The following LAMA1 variants were observed in gnomAD, a reference collection of about 807,000 sequenced individuals.
LAMA1 encodes laminin subunit alpha 1.
A neutral mutation model predicts 348.7 loss-of-function variants in LAMA1; 219 were observed. The ratio of observed to expected loss-of-function variants is 0.63; its 90% CI spans 0.56 to 0.70. The LOEUF is 0.70. LAMA1 is among the 30% of genes least tolerant of loss of function. The probability of loss-of-function intolerance (pLI) is 0.00; values close to 1 mark genes in which losing one functional copy is unlikely to be tolerated. For missense variants in LAMA1, 3,744 were observed against 3,888.0 expected (o/e 0.96, Z 0.99); for synonymous variants, 1,487 against 1,491.0 (o/e 1.00, Z 0.06).
intron 48 of LAMA1, 54 bp from the exon 49 acceptor site, chr18:6,966,351 C>G: frequency 6.0e-6 from 9 of 1,492,318 alleles, no homozygotes; most frequent in Non-Finnish European, 8.3e-6. Flanking sequence ...TAGAAAGAAC[C>G]AAGAACACAC....
At chr18:6,987,577 T>C (rs2057740828) in intron 36 of LAMA1, among the ~76,000 whole-genome samples, 1 of 152,200 alleles carries the variant, frequency 6.6e-6, no homozygotes, top group Non-Finnish European at 1.5e-5. Flanking sequence ...TAAAATTTCA[T>C]GCTACAAATC....
At chr18:7,046,198 A>G in intron 6 of LAMA1, 80 bp downstream of exon 6, 1 of 913,866 alleles carries the variant, frequency 1.1e-6, no homozygotes, top group Admixed American at 1.9e-5. Context: ...GTTTGTTTGG[A>G]ATAAAAAAGA....
rs1322799492 is a variant in LAMA1 at position 7,105,233 on chromosome 18, GTT to G, written c.61+12425_61+12426del. 2.0e-5 allele frequency among the ~76,000 whole-genome samples: 3 copies of G among 152,094 alleles called. No individual in the cohort carries two copies. In the East Asian group the frequency reaches 5.8e-4, roughly 29 times the overall value. ...GCAGGTGGATCACCTGAGGTCAGGA[GTT>G]CTCAAGACCAGCCTGGCCAACATGG... is the stretch of plus-strand genomic sequence containing the variant. On this transcript the variant is annotated intron_variant, in intron 1 of 62. Coordinates refer to ENST00000389658, the MANE Select transcript of LAMA1 (RefSeq NM_005559.4).
At chr18:7,073,570 T>G (rs1369397865) in intron 3 of LAMA1, among the ~76,000 whole-genome samples, 1 of 152,216 alleles carries the variant, frequency 6.6e-6, no homozygotes, top group Non-Finnish European at 1.5e-5. Context: ...ACATACATGC[T>G]GTGGTATGTG....
chr18:7,055,820 A>G lies in LAMA1; in HGVS notation c.346-4884T>C, dbSNP rs1299952112. On this transcript the variant is annotated intron_variant, in intron 3 of 62. Coordinates refer to ENST00000389658, the MANE Select transcript of LAMA1 (RefSeq NM_005559.4). ...ATAAGGCCTGGGCGTGGTGGCTCGC[A>G]CCTGTAATCCCAGCATTTTGGGAGG... Among the ~76,000 whole-genome samples the G allele has an allele frequency of 4.0e-5, 6 of 151,448 alleles. No individual in the cohort carries two copies. The South Asian group carries it at 1.3e-3, about 32-fold the overall frequency.
In LAMA1 at chr18:7,040,222, G is replaced by C. The variant is rs978062450; in HGVS notation, c.1276C>G (p.Gln426Glu). Residue 426 changes from glutamine to glutamate, a missense_variant, in exon 10 of 63, where the codon CAG (glutamine) becomes GAG (glutamate). By Grantham distance (29) the Gln-to-Glu change is conservative (BLOSUM62 2). Around this residue, in one of 3 missense-constraint regions of LAMA1, gnomAD observed 1,529 missense variants for 1,689.4 expected, o/e 0.91. Coordinates refer to ENST00000389658, the MANE Select transcript of LAMA1 (RefSeq NM_005559.4). ...SDLHNGKQPG[Q>E]CPCKEGYTGE... ...GTATAACCTTCCTTACATGGGCACTGACCTGGCTGCTTCCCTAGAAAGACA... is the reference window on the plus strand; with the variant it reads ...GTATAACCTTCCTTACATGGGCACTCACCTGGCTGCTTCCCTAGAAAGACA... 1 of 1,614,102 alleles carries C rather than the reference G, an allele frequency of 6.2e-7. No homozygotes were observed. Among genetic ancestry groups the C allele is most frequent in the Admixed American group, 1.7e-5 (1 of 60,020 alleles).
chr18:7,112,588 C>T (rs2058339988), intron 1 of LAMA1, among the ~76,000 whole-genome samples: 1 of 145,160 alleles, frequency 6.9e-6, no homozygotes, highest in African/African-American at 2.8e-5. Context: ...TGTGGATTAT[C>T]TATTAAAATA....
At chr18:6,992,810 G>T in intron 35 of LAMA1, 90 bp from the exon 36 acceptor site, 4 of 1,123,522 alleles carry the variant, frequency 3.6e-6, no homozygotes, top group Non-Finnish European at 5.3e-6. Context: ...GCTGAGGACT[G>T]CTCTGTTTAC....
chr18:7,014,871 G>C (rs1455259013), intron 22 of LAMA1, among the ~76,000 whole-genome samples: 6 of 151,952 alleles, frequency 3.9e-5, no homozygotes, highest in Non-Finnish European at 7.3e-5. Flanking sequence ...TTCTGAGACA[G>C]AGTCTTGCTC....
chr18:7,011,845 G>T, intron 24 of LAMA1, 150 bp downstream of exon 24: 1 of 900,732 alleles, frequency 1.1e-6, no homozygotes, highest in Non-Finnish European at 1.7e-6. Flanking sequence ...GCTGAGCTCT[G>T]ATTCCTGTTC....
chr18:7,110,477 A>G (rs1280581625), intron 1 of LAMA1, among the ~76,000 whole-genome samples: 2 of 152,166 alleles, frequency 1.3e-5, no homozygotes, highest in South Asian at 2.1e-4. Flanking sequence ...ACAAGATTCC[A>G]CTTGTTGTGG....
At chr18:7,069,674 G>C (rs1294589065) in intron 3 of LAMA1, among the ~76,000 whole-genome samples, 1 of 152,148 alleles carries the variant, frequency 6.6e-6, no homozygotes, top group African/African-American at 2.4e-5. Context: ...CATGCTGTGA[G>C]GAAGCTCAGG....
At chr18:7,001,858 A>G (rs1006993954) in intron 30 of LAMA1, among the ~76,000 whole-genome samples, 9 of 152,230 alleles carry the variant, frequency 5.9e-5, no homozygotes, top group Non-Finnish European at 1.5e-5. Flanking sequence ...CTTAGGCACC[A>G]GCTTATATAA....
At position 7,059,515 on chromosome 18, in the gene LAMA1, G is replaced by C. The variant is rs561133565; in HGVS notation, c.346-8579C>G. On this transcript the variant is annotated intron_variant, in intron 3 of 62. Transcript: ENST00000389658. ...TCTGAAAAGGAATCCAGACAGGAAT[G>C]TTCATGTGGGCCTCAATCTTAACTT... 2.0e-5 allele frequency among the ~76,000 whole-genome samples: 3 copies of C among 152,318 alleles called. No individual in the cohort carries two copies. The South Asian group carries it at 6.2e-4, about 32-fold the overall frequency.
chr18:7,091,635 G>A (rs535268441), intron 1 of LAMA1, among the ~76,000 whole-genome samples: 2 of 152,234 alleles, frequency 1.3e-5, no homozygotes, highest in African/African-American at 4.8e-5. Context: ...TCACTATCGC[G>A]GGGCATGTGC....
rs139988519 is a variant in LAMA1, at chr18:7,033,011, C to A, written c.2136G>T (p.Pro712=). 5.9e-4 allele frequency: 956 copies of A among 1,611,008 alleles called. 1 individual carries two copies. Among genetic ancestry groups the A allele is most frequent in the Middle Eastern group, 4.1e-3 (25 of 6,062 alleles). Residue 712 remains proline (P), a synonymous_variant, in exon 15 of 63, where the codon CCG becomes CCT. Transcript: ENST00000389658. ...CACAGGAGGTCCCTGTGTAGCCTTG[C>A]GGACATTCACAGTGCTCCACATCAG... The part of the protein sequence containing the change: ...VAADVEHCEC[P]QGYTGTSCES...
chr18:6,982,645 T>TG, intron 40 of LAMA1, 55 bp from the exon 41 acceptor site: 1 of 1,433,442 alleles, frequency 7.0e-7, no homozygotes, highest in Non-Finnish European at 9.8e-7. Flanking sequence ...GGAGTCCTGC[T>TG]GGGGACAGAG....
At chr18:6,983,016 T>C in intron 40 of LAMA1, 83 bp downstream of exon 40, 4 of 1,550,726 alleles carry the variant, frequency 2.6e-6, no homozygotes, top group African/African-American at 1.4e-5. Context: ...TAGGCAGAAA[T>C]TGGGGCCACT....
chr18:7,105,441 AAAATAAAT>A (rs762965770), intron 1 of LAMA1, among the ~76,000 whole-genome samples: 1,685 of 144,364 alleles, frequency 0.012, 15 homozygotes, highest in East Asian at 0.032. Context: ...TTCATCTCAA[AAAATAAAT>A]AAATAAATAA....
Sources: gnomAD v4.1 joint callset for allele counts (sites outside exome capture counted in the v4.1 genomes callset) on GRCh38, gnomAD v4.1.1 for gene constraint, gnomAD v4.1.1 regional missense constraint, MANE v1.5 for transcripts, NCBI Gene and HGNC (gene_info 2026-07-23, HGNC 2026-07-21) for gene names.